MEI4: variants seen among roughly 807,000 people sequenced by gnomAD.
The protein encoded by MEI4 is meiosis-specific protein MEI4.
MEI4 carries 27 observed loss-of-function variants against 31.4 expected under a neutral mutation model. The ratio of observed to expected loss-of-function variants is 0.86; its 90% CI spans 0.63 to 1.19. MEI4 has a LOEUF of 1.19. MEI4 is among the 50% of genes most tolerant of loss of function. The pLI is 0.00. For missense variants in MEI4, 329 were observed against 398.9 expected (o/e 0.82, Z 1.49); for synonymous variants, 122 against 145.4 (o/e 0.84, Z 1.16).
chr6:77,832,514 C>T (rs1770109338), intron 4 of MEI4, among the ~76,000 whole-genome samples: 1 of 151,974 alleles, frequency 6.6e-6, no homozygotes. Context: ...TTATTCCAAA[C>T]ATTTCATAGT....
At chr6:77,818,319 C>A (rs1181247721) in intron 3 of MEI4, among the ~76,000 whole-genome samples, 1 of 151,962 alleles carries the variant, frequency 6.6e-6, no homozygotes, top group African/African-American at 2.4e-5. Context: ...TTTTGCATAT[C>A]TTTTTATAAG....
intron 4 of MEI4, among the ~76,000 whole-genome samples, chr6:77,832,650 C>T (rs960704738): frequency 2.6e-5 from 4 of 151,936 alleles, no homozygotes; most frequent in South Asian, 2.1e-4. Context: ...CAAAAGAGGG[C>T]GATTAGGATT....
intron 4 of MEI4, among the ~76,000 whole-genome samples, chr6:77,893,329 A>G (rs1766006683): frequency 6.6e-6 from 1 of 152,170 alleles, no homozygotes; most frequent in Admixed American, 6.5e-5. Context: ...TTTTCCGTGC[A>G]TTTAAGCTAA....
intron 4 of MEI4, among the ~76,000 whole-genome samples, chr6:77,861,140 A>G (rs1770855140): frequency 6.6e-6 from 1 of 152,182 alleles, no homozygotes; most frequent in Non-Finnish European, 1.5e-5. Flanking sequence ...GCCTCTCTTC[A>G]CTGTAGCACA....
rs1015239783 is a variant in MEI4, at chr6:77,746,154, AC to A, written c.233-14973del. Among the ~76,000 whole-genome samples, 52 of 152,242 alleles carry A rather than the reference AC, an allele frequency of 3.4e-4. 1 individual carries two copies. The highest frequency in any genetic ancestry group is 1.2e-3 in the African/African-American group (50 of 41,530). Reference sequence around the variant, plus strand: ...ACTGAAGGAAATAGAGACACAAAAAACCCTTCAAAAAAACTACTGAATCCAG... The same window carrying A: ...ACTGAAGGAAATAGAGACACAAAAAACCTTCAAAAAAACTACTGAATCCAG... On this transcript the variant is annotated intron_variant, in intron 2 of 4. Coordinates refer to ENST00000684080, the MANE Select transcript of MEI4 (RefSeq NM_001322247.2).
intron 2 of MEI4, among the ~76,000 whole-genome samples, chr6:77,699,979 G>T (rs758717137): frequency 2.6e-5 from 4 of 152,170 alleles, no homozygotes; most frequent in Non-Finnish European, 5.9e-5. Flanking sequence ...AGGCGTACCC[G>T]GCAGTGTGAG....
intron 2 of MEI4, among the ~76,000 whole-genome samples, chr6:77,734,244 A>G (rs1767108925): frequency 6.6e-6 from 1 of 151,986 alleles, no homozygotes; most frequent in African/African-American, 2.4e-5. Flanking sequence ...ATCTCCCATT[A>G]TTAATGTGTG....
chr6:77,829,143 C>T (rs1423789342), intron 4 of MEI4, 81 bp downstream of exon 4: 6 of 1,051,242 alleles, frequency 5.7e-6, no homozygotes, highest in Non-Finnish European at 6.1e-6. Context: ...TCTTTCTTCT[C>T]TTCTTTCCAG....
chr6:77,859,750 T>C (rs1190747115), intron 4 of MEI4, among the ~76,000 whole-genome samples: 1 of 152,206 alleles, frequency 6.6e-6, no homozygotes, highest in Non-Finnish European at 1.5e-5. Context: ...AATCTCTTGA[T>C]GTTTGCTTAC....
intron 4 of MEI4, among the ~76,000 whole-genome samples, chr6:77,904,409 A>G (rs1223703254): frequency 3.3e-5 from 5 of 152,166 alleles, no homozygotes; most frequent in South Asian, 4.1e-4. Context: ...TTTTTCACAT[A>G]GGTAATAAGC....
chr6:77,775,185 T>A (rs1768408825), intron 3 of MEI4, among the ~76,000 whole-genome samples: 1 of 152,144 alleles, frequency 6.6e-6, no homozygotes, highest in South Asian at 2.1e-4. Context: ...AAAGACCGTT[T>A]TTCTTTCTTC....
intron 2 of MEI4, among the ~76,000 whole-genome samples, chr6:77,756,582 T>C (rs1274202925): frequency 6.6e-6 from 1 of 152,006 alleles, no homozygotes; most frequent in East Asian, 1.9e-4. Context: ...AGCCATATTC[T>C]TTTGGTTTCT....
intron 3 of MEI4, among the ~76,000 whole-genome samples, chr6:77,772,995 A>G (rs1201913948): frequency 6.6e-6 from 1 of 151,562 alleles, no homozygotes; most frequent in Non-Finnish European, 1.5e-5. Context: ...GAAGAGAAAG[A>G]TGTCTTCAAT....
intron 3 of MEI4, among the ~76,000 whole-genome samples, chr6:77,792,163 A>G (rs899527107): frequency 6.6e-6 from 1 of 152,220 alleles, no homozygotes; most frequent in Non-Finnish European, 1.5e-5. Flanking sequence ...CATTGTGTAT[A>G]TATGCCACAT....
chr6:77,805,026 G>A (rs1395638382), intron 3 of MEI4, among the ~76,000 whole-genome samples: 1 of 152,066 alleles, frequency 6.6e-6, no homozygotes. Flanking sequence ...AAATTATATT[G>A]AGAAGTGTGT....
intron 4 of MEI4, among the ~76,000 whole-genome samples, chr6:77,889,159 T>A (rs1472927382): frequency 2.0e-5 from 3 of 152,112 alleles, no homozygotes; most frequent in Non-Finnish European, 4.4e-5. Context: ...GTCTGTGGTA[T>A]CTGCTGTTGT....
At chr6:77,657,583 C>T (rs988051363) in intron 1 of MEI4, among the ~76,000 whole-genome samples, 2 of 149,352 alleles carry the variant, frequency 1.3e-5, no homozygotes, top group East Asian at 2.0e-4. Flanking sequence ...GCTTAATCCT[C>T]TTAAAACACC....
intron 2 of MEI4, among the ~76,000 whole-genome samples, chr6:77,736,094 G>C (rs1767201046): frequency 6.6e-6 from 1 of 152,044 alleles, no homozygotes; most frequent in Non-Finnish European, 1.5e-5. Flanking sequence ...TTGTTTGTCT[G>C]TGCCCTGCCC....
At chr6:77,694,587 T>A (rs1765966320) in intron 2 of MEI4, among the ~76,000 whole-genome samples, 1 of 152,174 alleles carries the variant, frequency 6.6e-6, no homozygotes, top group Non-Finnish European at 1.5e-5. Flanking sequence ...ACAAAGGACA[T>A]GAACTCATCA....
Sources: gnomAD v4.1 joint callset for allele counts (sites outside exome capture counted in the v4.1 genomes callset) on GRCh38, gnomAD v4.1.1 for gene constraint, MANE v1.5 for transcripts, NCBI Gene and HGNC (gene_info 2026-07-23, HGNC 2026-07-21) for gene names.